Variants in CSMD1 observed in about 807,000 individuals in gnomAD.
CSMD1 encodes the protein CUB and sushi domain-containing protein 1.
In CSMD1, 213 loss-of-function variants were observed where a neutral mutation model predicts 417.5. The observed-to-expected ratio is 0.51, with a 90% confidence interval of 0.46 to 0.57. The LOEUF is 0.57. CSMD1 is among the 20% of genes least tolerant of loss of function. CSMD1 has a pLI of 0.00. For synonymous variants in CSMD1, 2,862 were observed against 1,736.8 expected, an observed-to-expected ratio of 1.65 and a Z score of -16.11; for missense variants, 6,923 against 4,529.7, an observed-to-expected ratio of 1.53 and a Z score of -15.17.
chr8:3,797,899 C>T (rs1800246541), intron 5 of CSMD1, among the ~76,000 whole-genome samples: 1 of 152,016 alleles, frequency 6.6e-6, no homozygotes, highest in South Asian at 2.1e-4. Flanking sequence ...AGTTGTTACG[C>T]ATCCCTGTCA....
intron 7 of CSMD1, among the ~76,000 whole-genome samples, chr8:3,632,874 AG>A (rs1796852792): frequency 6.6e-6 from 1 of 152,236 alleles, no homozygotes; most frequent in Admixed American, 6.5e-5. Flanking sequence ...TGTTTTAAGA[AG>A]GAAGTTCTCT....
intron 5 of CSMD1, among the ~76,000 whole-genome samples, chr8:3,786,583 G>A (rs957346180): frequency 1.3e-5 from 2 of 152,168 alleles, no homozygotes; most frequent in Admixed American, 1.3e-4. Context: ...AGGATGGACA[G>A]GAAAATCGCT....
chr8:3,526,501 T>C (rs747128039), intron 10 of CSMD1, among the ~76,000 whole-genome samples: 1 of 152,104 alleles, frequency 6.6e-6, no homozygotes, highest in Non-Finnish European at 1.5e-5. Context: ...GGACCAAGCA[T>C]CCTACATAAA....
intron 3 of CSMD1, among the ~76,000 whole-genome samples, chr8:4,074,077 C>A (rs532154672): frequency 6.6e-6 from 1 of 151,962 alleles, no homozygotes; most frequent in Non-Finnish European, 1.5e-5. Flanking sequence ...ATGGAATAGA[C>A]AAATTTTGTA....
intron 49 of CSMD1, among the ~76,000 whole-genome samples, chr8:3,061,469 C>G (rs1003182550): frequency 6.6e-6 from 1 of 152,054 alleles, no homozygotes; most frequent in African/African-American, 2.4e-5. Context: ...TTCTCTGCAC[C>G]GTGGATATCC....
chr8:3,798,929 A>T (rs1349217031), intron 5 of CSMD1, among the ~76,000 whole-genome samples: 1 of 152,092 alleles, frequency 6.6e-6, no homozygotes, highest in African/African-American at 2.4e-5. Context: ...CAAGCTAAAC[A>T]TATCATATAT....
At chr8:4,805,922 C>G (rs530415894) in intron 1 of CSMD1, among the ~76,000 whole-genome samples, 1 of 152,202 alleles carries the variant, frequency 6.6e-6, no homozygotes, top group East Asian at 1.9e-4. Context: ...GCTTGTGGAC[C>G]TCAGAGCAGT....
chr8:3,303,945 C>T (rs899210579), intron 25 of CSMD1, among the ~76,000 whole-genome samples: 1 of 74,822 alleles, frequency 1.3e-5, no homozygotes, highest in African/African-American at 4.1e-5. Flanking sequence ...GGGTATTGCG[C>T]CCCATTATAA....
intron 5 of CSMD1, among the ~76,000 whole-genome samples, chr8:3,987,244 C>G (rs1814403324): frequency 6.6e-6 from 1 of 152,200 alleles, no homozygotes; most frequent in Non-Finnish European, 1.5e-5. Context: ...AACATGCTTC[C>G]CATGCTCAAA....
chr8:4,776,582 A>G (rs1373098416), intron 1 of CSMD1, among the ~76,000 whole-genome samples: 1 of 152,172 alleles, frequency 6.6e-6, no homozygotes, highest in Non-Finnish European at 1.5e-5. Flanking sequence ...CCACTTCTGC[A>G]TAAACGTTCG....
chr8:4,562,788 A>G (rs115982532), intron 2 of CSMD1, among the ~76,000 whole-genome samples: 2 of 152,164 alleles, frequency 1.3e-5, no homozygotes, highest in African/African-American at 4.8e-5. Flanking sequence ...CCTAAAAGGT[A>G]TATCATATAA....
At chr8:4,876,411 G>T (rs185898505) in intron 1 of CSMD1, among the ~76,000 whole-genome samples, 1 of 152,074 alleles carries the variant, frequency 6.6e-6, no homozygotes, top group Non-Finnish European at 1.5e-5. Context: ...AGGAGTACAA[G>T]TGGCCTGTTT....
chr8:4,018,855 T>C (rs1419285792), intron 4 of CSMD1, among the ~76,000 whole-genome samples: 1 of 152,166 alleles, frequency 6.6e-6, no homozygotes, highest in African/African-American at 2.4e-5. Flanking sequence ...TCCTCTGTGA[T>C]GGAGTCTCAT....
intron 41 of CSMD1, among the ~76,000 whole-genome samples, chr8:3,135,397 G>C (rs777587121): frequency 2.0e-5 from 3 of 152,028 alleles, no homozygotes; most frequent in Non-Finnish European, 4.4e-5. Context: ...AAAGGAACTG[G>C]CTTCTTCCCC....
intron 2 of CSMD1, among the ~76,000 whole-genome samples, chr8:4,503,566 T>G (rs1658826): frequency 0.18 from 27,231 of 151,962 alleles, 2,629 homozygotes; most frequent in African/African-American, 0.26. Flanking sequence ...TGGATTGGTA[T>G]ATGATAAACA....
intron 2 of CSMD1, among the ~76,000 whole-genome samples, chr8:4,579,282 T>C (rs1413363783): frequency 1.3e-5 from 2 of 151,244 alleles, no homozygotes; most frequent in East Asian, 3.9e-4. Flanking sequence ...TATATATGTA[T>C]ATATATAAAA....
At chr8:4,236,635 C>G (rs978456327) in intron 3 of CSMD1, among the ~76,000 whole-genome samples, 3 of 152,084 alleles carry the variant, frequency 2.0e-5, no homozygotes, top group Non-Finnish European at 4.4e-5. Flanking sequence ...AAGAATTCAG[C>G]CAAAATCAAT....
chr8:4,040,712 C>T (rs1167156325), intron 3 of CSMD1, among the ~76,000 whole-genome samples: 1 of 152,142 alleles, frequency 6.6e-6, no homozygotes, highest in Non-Finnish European at 1.5e-5. Context: ...ATAGCAAAAA[C>T]ACTGCAGGAG....
At chr8:4,349,025 C>T (rs929471113) in intron 3 of CSMD1, among the ~76,000 whole-genome samples, 1 of 152,100 alleles carries the variant, frequency 6.6e-6, no homozygotes, top group Non-Finnish European at 1.5e-5. Flanking sequence ...CCACACAAGC[C>T]GAAATCTTAC....
Sources: gnomAD v4.1 joint callset for allele counts (sites outside exome capture counted in the v4.1 genomes callset) on GRCh38, gnomAD v4.1.1 for gene constraint, MANE v1.5 for transcripts, NCBI Gene and HGNC (gene_info 2026-07-23, HGNC 2026-07-21) for gene names.